ANKIB1: variants seen among roughly 807,000 people sequenced by gnomAD.
ANKIB1 encodes the protein ankyrin repeat and IBR domain containing 1, also known as ankyrin repeat and IBR domain-containing protein 1.
ANKIB1 carries 43 observed loss-of-function variants against 122.1 expected under a neutral mutation model. That is an observed-to-expected ratio of 0.35 (90% CI 0.28 to 0.45). The LOEUF (loss-of-function observed/expected upper bound fraction) is 0.45, where lower values mean the gene tolerates loss of function less well. ANKIB1 is among the 20% of genes least tolerant of loss of function. The pLI, the probability that ANKIB1 is intolerant of heterozygous loss-of-function variation, is 1.00. For missense variants in ANKIB1, 992 were observed against 1,329.5 expected (o/e 0.75, Z 3.95); for synonymous variants, 390 against 442.0 (o/e 0.88, Z 1.48).
chr7:92,269,717 G>A (rs1389679234), intron 1 of ANKIB1, among the ~76,000 whole-genome samples: 1 of 151,776 alleles, frequency 6.6e-6, no homozygotes, highest in East Asian at 1.9e-4. Context: ...CCTTGGTGTT[G>A]TATCTTCTTT....
At chr7:92,385,362 C>G (rs1804613173) in intron 11 of ANKIB1, among the ~76,000 whole-genome samples, 1 of 152,164 alleles carries the variant, frequency 6.6e-6, no homozygotes, top group Non-Finnish European at 1.5e-5. Flanking sequence ...ACCATTTGAT[C>G]CAGCGATCCC....
chr7:92,387,070 C>A (rs1804669609), intron 12 of ANKIB1, among the ~76,000 whole-genome samples: 2 of 149,820 alleles, frequency 1.3e-5, no homozygotes, highest in Admixed American at 1.3e-4. Context: ...CAATTTGGTT[C>A]TTGATGAGGG....
At chr7:92,271,514 A>G (rs1562766811) in intron 1 of ANKIB1, among the ~76,000 whole-genome samples, 2 of 152,162 alleles carry the variant, frequency 1.3e-5, no homozygotes. Context: ...TTTGATTGTA[A>G]TTGCATCAAG....
At chr7:92,321,116 T>G (rs1249235276) in intron 4 of ANKIB1, among the ~76,000 whole-genome samples, 1 of 152,084 alleles carries the variant, frequency 6.6e-6, no homozygotes, top group South Asian at 2.1e-4. Context: ...ATTTTTAAAT[T>G]TTTTATTAAT....
chr7:92,385,957 C>T (rs1804633297), intron 11 of ANKIB1, among the ~76,000 whole-genome samples: 1 of 152,126 alleles, frequency 6.6e-6, no homozygotes, highest in Non-Finnish European at 1.5e-5. Context: ...TTTTAACTGA[C>T]TCAAAATCCT....
rs189764584 is a variant in ANKIB1 at position 92,257,760 on chromosome 7, C to A, written c.-91+11241C>A. 2.1e-3 allele frequency among the ~76,000 whole-genome samples: 318 copies of A among 152,174 alleles called. 1 individual carries two copies. The highest frequency in any genetic ancestry group is 7.2e-3 in the African/African-American group (299 of 41,520). The stretch of plus-strand genomic sequence containing the variant: ...TGAGCAGAGATCGCGCCATTGTGCT[C>A]CAGCCTGGGCAAGAAGAGTGAAACT... On this transcript the variant is annotated intron_variant, in intron 1 of 19. Coordinates refer to ENST00000265742, the MANE Select transcript of ANKIB1 (RefSeq NM_019004.2).
intron 1 of ANKIB1, among the ~76,000 whole-genome samples, chr7:92,259,278 A>C (rs183355141): frequency 6.6e-6 from 1 of 152,152 alleles, no homozygotes; most frequent in Non-Finnish European, 1.5e-5. Flanking sequence ...TAAATATAGC[A>C]CATGCCATAA....
At chr7:92,346,783 A>AT (rs1278396275) in intron 7 of ANKIB1, among the ~76,000 whole-genome samples, 2 of 152,096 alleles carry the variant, frequency 1.3e-5, no homozygotes, top group Non-Finnish European at 2.9e-5. Context: ...ATTTTCTTGA[A>AT]TTTTTTTGAG....
At chr7:92,387,614 A>T (rs11771536) in intron 12 of ANKIB1, among the ~76,000 whole-genome samples, 184 bp from the exon 13 acceptor site, 2 of 151,514 alleles carry the variant, frequency 1.3e-5, no homozygotes, top group South Asian at 2.1e-4. Flanking sequence ...CCAGCCTGGG[A>T]GACACAGCGA....
chr7:92,294,924 G>A lies in ANKIB1; in HGVS notation c.-55G>A, dbSNP rs968497023. 8 of 1,386,550 alleles carry A rather than the reference G, an allele frequency of 5.8e-6. No homozygotes were observed. The African/African-American group carries it at 1.2e-4, about 20-fold the overall frequency. 85.9% of individuals were successfully genotyped at this position (1,386,550 alleles called of 1,614,324 possible). ...ATGTTGCAGAAGTGTTCCAGAAGTG[G>A]CTGAAGATAGAAGGAAAAAAGTGCC... On this transcript the variant is annotated 5_prime_UTR_variant, in exon 2 of 20. Coordinates refer to ENST00000265742, the MANE Select transcript of ANKIB1 (RefSeq NM_019004.2).
At chr7:92,345,141 A>G (rs1451036775) in intron 7 of ANKIB1, 75 bp downstream of exon 7, 5 of 1,099,956 alleles carry the variant, frequency 4.5e-6, no homozygotes, top group Non-Finnish European at 6.8e-6. Flanking sequence ...GTTTGCTTTC[A>G]GTATTTAATG....
chr7:92,337,507 G>A (rs1431942493), intron 5 of ANKIB1, among the ~76,000 whole-genome samples: 2 of 151,888 alleles, frequency 1.3e-5, no homozygotes, highest in African/African-American at 2.4e-5. Flanking sequence ...CTTTCCTAAT[G>A]TTCAGCTGTT....
chr7:92,246,740 C>T (rs1801069191), intron 1 of ANKIB1, among the ~76,000 whole-genome samples: 1 of 152,196 alleles, frequency 6.6e-6, no homozygotes, highest in East Asian at 1.9e-4. Context: ...CTCCGGGTCT[C>T]CGTGACGCGT....
At chr7:92,295,246 T>A in intron 2 of ANKIB1, 80 bp downstream of exon 2, 1 of 1,107,450 alleles carries the variant, frequency 9.0e-7, no homozygotes, top group Non-Finnish European at 1.2e-6. Context: ...AAAAAGGAAC[T>A]ATGATTTTTG....
At chr7:92,307,945 C>G (rs548317372) in intron 3 of ANKIB1, among the ~76,000 whole-genome samples, 2 of 151,078 alleles carry the variant, frequency 1.3e-5, no homozygotes, top group African/African-American at 4.9e-5. Flanking sequence ...TCCCCAGTAG[C>G]TGGGACTACA....
chr7:92,342,533 G>C (rs1004303582), intron 5 of ANKIB1, among the ~76,000 whole-genome samples: 1 of 151,920 alleles, frequency 6.6e-6, no homozygotes, highest in Non-Finnish European at 1.5e-5. Flanking sequence ...TAATTTCTTC[G>C]GAAGTTTCTT....
At chr7:92,268,591 CCTCAG>C (rs1220775898) in intron 1 of ANKIB1, among the ~76,000 whole-genome samples, 15 of 152,288 alleles carry the variant, frequency 9.8e-5, no homozygotes, top group Non-Finnish European at 4.4e-5. Context: ...AATCCTCCCA[CCTCAG>C]GCTCCCGTAG....
chr7:92,359,534 G>T (rs1458728895), intron 9 of ANKIB1, among the ~76,000 whole-genome samples: 1 of 152,044 alleles, frequency 6.6e-6, no homozygotes. Flanking sequence ...ATAAACATAT[G>T]TGTGTGTGTG....
At chr7:92,288,255 G>A (rs779843969) in intron 1 of ANKIB1, among the ~76,000 whole-genome samples, 14 of 152,108 alleles carry the variant, frequency 9.2e-5, no homozygotes, top group Non-Finnish European at 1.5e-4. Context: ...ATTCATAATA[G>A]CATCCCCAAA....
Sources: allele counts gnomAD v4.1 joint callset (sites outside exome capture counted in the v4.1 genomes callset), GRCh38; gene constraint gnomAD v4.1.1; transcripts MANE v1.5; gene names NCBI Gene and HGNC (gene_info 2026-07-23, HGNC 2026-07-21).